Variants in PROZ observed in about 807,000 individuals in gnomAD.
PROZ encodes protein Z, vitamin K dependent plasma glycoprotein.
PROZ carries 46 observed loss-of-function variants against 34.9 expected under a neutral mutation model. That is an observed-to-expected ratio of 1.32 (90% CI 1.04 to 1.69). The LOEUF is 1.69. Among genes scored for constraint, PROZ ranks in the 40% most tolerant of loss-of-function variants. The pLI is 0.00. For synonymous variants in PROZ, 195 were observed against 208.5 expected, an observed-to-expected ratio of 0.94 and a Z score of 0.56; for missense variants, 530 against 520.4, an observed-to-expected ratio of 1.02 and a Z score of -0.18.
At position 113,160,177 on chromosome 13, in the gene PROZ, T is replaced by C. The variant is rs1218709607; in HGVS notation, c.234T>C (p.Thr78=). 1 of 1,614,074 alleles carries C rather than the reference T, an allele frequency of 6.2e-7. No individual in the cohort carries two copies. Among genetic ancestry groups the C allele is most frequent in the Admixed American group, 1.7e-5 (1 of 60,022 alleles). The change falls in exon 2 of 8, where the codon ACT becomes ACC. Residue 78 remains threonine (T), a splice_region_variant and synonymous_variant. Transcript: ENST00000375547. ...AAGTGTTTGAAAATGAAGTAGTCAC[T>C]GTATGTACCCCCACCACAAACCACA... The part of the protein sequence containing the change: ...AREVFENEVV[T]DEFWRRYKGG...
In PROZ at chr13:113,159,933, C is replaced by A. The variant is rs879182463; in HGVS notation, c.71-81C>A. On this transcript the variant is annotated intron_variant, in intron 1 of 7. Transcript: ENST00000375547. This position sits in a 1 kb window ranked among gnomAD's most constrained non-coding sequence, Gnocchi z 4.6. ...GACGGACGGGGCTGGGGCTGGCGGCCGGCCGGGGAGGAAGCCAGGCAGCTC... is the reference window on the plus strand; with the variant it reads ...GACGGACGGGGCTGGGGCTGGCGGCAGGCCGGGGAGGAAGCCAGGCAGCTC... The A allele has an allele frequency of 7.0e-6, 11 of 1,561,770 alleles. No individual in the cohort carries two copies. The highest frequency in any genetic ancestry group is 1.4e-5 in the African/African-American group (1 of 73,720).
chr13:113,162,905 C>CCTCCTCCTGCT, intron 3 of PROZ, 104 bp from the exon 4 acceptor site: 1 of 544,812 alleles, frequency 1.8e-6, no homozygotes, highest in South Asian at 1.9e-5. Context: ...CCCACTCCAT[C>CCTCCTCCTGCT]CTCCTCCTGC....
intron 6 of PROZ, among the ~76,000 whole-genome samples, chr13:113,168,760 G>C (rs899782516): frequency 6.6e-6 from 1 of 151,962 alleles, no homozygotes; most frequent in Non-Finnish European, 1.5e-5. Context: ...ACCGGGTCTC[G>C]CCCTATTGCC....
At chr13:113,160,629 G>A (rs945845978) in intron 2 of PROZ, among the ~76,000 whole-genome samples, 23 of 152,360 alleles carry the variant, frequency 1.5e-4, no homozygotes, top group Admixed American at 1.1e-3. Flanking sequence ...GGAGGGTGGC[G>A]TGGAGATTGG....
chr13:113,163,619 C>A (rs540109475), intron 4 of PROZ, among the ~76,000 whole-genome samples: 3 of 152,372 alleles, frequency 2.0e-5, no homozygotes, highest in African/African-American at 7.2e-5. Flanking sequence ...GAAAACCTTC[C>A]TCCCAGCCGA....
At position 113,158,801 on chromosome 13, in the gene PROZ, T is replaced by G; in HGVS notation, c.70+71T>G. 6.9e-7 allele frequency: 1 copy of G among 1,453,698 alleles called. No individual in the cohort carries two copies. Among genetic ancestry groups the G allele is most frequent in the Non-Finnish European group, 9.4e-7 (1 of 1,062,484 alleles). The allele number at this position is 1,453,698 out of a possible 1,614,324, so 90.0% of individuals were successfully genotyped here. A position where few individuals can be genotyped will look rare whatever the true frequency, so the allele number is the denominator to read the frequency against. On this transcript the variant is annotated intron_variant, in intron 1 of 7. Transcript: ENST00000375547. The surrounding 1 kb of genome is among the most constrained non-coding windows in gnomAD (Gnocchi z 4.3). ...CTTGACTCGGTCCATGGTGGATTTG[T>G]AGATGAGGCTTTTTCCAGGAGCCAG...
chr13:113,161,617 C>T (rs908343936), intron 3 of PROZ, among the ~76,000 whole-genome samples: 6 of 152,218 alleles, frequency 3.9e-5, no homozygotes, highest in East Asian at 1.9e-4. Context: ...GGACCGCGTG[C>T]GGACGAAGAA....
intron 4 of PROZ, among the ~76,000 whole-genome samples, chr13:113,163,735 A>G (rs2036822044): frequency 6.6e-6 from 1 of 151,096 alleles, no homozygotes. Flanking sequence ...GGGGGCTTTG[A>G]CCTTCACCCA....
At chr13:113,166,587 G>A (rs3024741) in intron 6 of PROZ, among the ~76,000 whole-genome samples, 3,452 of 152,342 alleles carry the variant, frequency 0.023, 150 homozygotes, top group East Asian at 0.21. Flanking sequence ...CCAAGGTGGA[G>A]AGGAAGAAAC....
rs910265034 is a variant in PROZ at position 113,172,276 on chromosome 13, C to A, written c.*171C>A. ...AGCCGCCGTTTGCTGGGTTGTTTACCGAGCACTGTGACCTTTCTTTCCCTG... is the reference window on the plus strand; with the variant it reads ...AGCCGCCGTTTGCTGGGTTGTTTACAGAGCACTGTGACCTTTCTTTCCCTG... On this transcript the variant is annotated 3_prime_UTR_variant, in exon 8 of 8. Coordinates refer to ENST00000375547, the MANE Select transcript of PROZ (RefSeq NM_003891.3). 2 of 850,214 alleles carry A rather than the reference C, an allele frequency of 2.4e-6. No homozygotes were observed. Among genetic ancestry groups the A allele is most frequent in the Admixed American group, 4.3e-5 (2 of 46,314 alleles). 52.7% of individuals were successfully genotyped at this position (850,214 alleles called of 1,614,324 possible). A position where few individuals can be genotyped will look rare whatever the true frequency, so the allele number is the denominator to read the frequency against.
chr13:113,160,334 A>C (rs781515222), intron 2 of PROZ, among the ~76,000 whole-genome samples, 157 bp downstream of exon 2: 1 of 152,056 alleles, frequency 6.6e-6, no homozygotes, highest in Non-Finnish European at 1.5e-5. Flanking sequence ...GAAACAATTT[A>C]GAGAATCGAC....
Position 113,158,680 on chromosome 13 carries a change from T to A in PROZ, c.20T>A (p.Leu7Gln). 6.2e-7 allele frequency: 1 copy of A among 1,606,068 alleles called. No individual in the cohort carries two copies. The highest frequency in any genetic ancestry group is 8.5e-7 in the Non-Finnish European group (1 of 1,176,946). The change falls in exon 1 of 8, where the codon CTG (leucine) becomes CAG (glutamine). Residue 7 changes from leucine (L) to glutamine (Q), a missense_variant. Physicochemically the swap from Leu to Gln is moderately radical, Grantham distance 113 (BLOSUM62 -2). Transcript: ENST00000375547. This position sits in a 1 kb window ranked among gnomAD's most constrained non-coding sequence, Gnocchi z 4.3. The stretch of plus-strand genomic sequence containing the variant: ...GTGGGAATGGCAGGCTGCGTCCCAC[T>A]GCTCCAGGGCCTGGTCCTGGTCCTC... MAGCVP[L>Q]LQGLVLVLAL...
At chr13:113,169,281 G>C (rs1174870042) in intron 6 of PROZ, among the ~76,000 whole-genome samples, 1 of 152,130 alleles carries the variant, frequency 6.6e-6, no homozygotes, top group Non-Finnish European at 1.5e-5. Context: ...ATATATTGTA[G>C]CTGTCATCCA....
Position 113,170,435 on chromosome 13 carries a change from G to GA in PROZ, c.600dup (p.Asp201ArgfsTer33), listed in dbSNP as rs1174694537. On this transcript the variant is annotated frameshift_variant, in exon 7 of 8. Coordinates refer to ENST00000375547, the MANE Select transcript of PROZ (RefSeq NM_003891.3). LOFTEE classifies it high-confidence loss of function. ...AAGGTAAAGTTAACAAATTCCGAAG[G>GA]AAAAGACTTCTGTGGTGGTGTTATA... is the stretch of plus-strand genomic sequence containing the variant. 6.2e-7 allele frequency: 1 copy of GA among 1,605,946 alleles called. No homozygotes were observed. Among genetic ancestry groups the GA allele is most frequent in the African/African-American group, 1.3e-5 (1 of 74,708 alleles).
intron 6 of PROZ, among the ~76,000 whole-genome samples, chr13:113,165,868 G>C (rs1311136586): frequency 6.6e-6 from 1 of 152,092 alleles, no homozygotes; most frequent in Non-Finnish European, 1.5e-5. Flanking sequence ...GGTCACTCTT[G>C]ACACATAAAC....
In PROZ at chr13:113,159,225, C is replaced by T. The variant is rs1309769671; in HGVS notation, c.70+495C>T. 2 of 1,548,164 alleles carry T rather than the reference C, an allele frequency of 1.3e-6. No homozygotes were observed. Among genetic ancestry groups the T allele is most frequent in the African/African-American group, 1.4e-5 (1 of 72,990 alleles). On this transcript the variant is annotated intron_variant, in intron 1 of 7. Transcript: ENST00000375547. The surrounding 1 kb of genome is among the most constrained non-coding windows in gnomAD (Gnocchi z 4.6). ...CACTTCACTGAAGGAACGACATGGA[C>T]TCCATTCTGACTCTGCCTGCACAGG...
At position 113,164,581 on chromosome 13, in the gene PROZ, T is replaced by C. The variant is rs1357360609; in HGVS notation, c.442T>C (p.Tyr148His). 6.2e-7 allele frequency: 1 copy of C among 1,613,658 alleles called. No homozygotes were observed. Reference protein sequence around the residue: ...QHFCLPGQESYTCSCAQGYRL... With the variant: ...QHFCLPGQESHTCSCAQGYRL... Reference sequence around the variant, plus strand: ...CTTCTGCCTCCCAGGACAGGAATCCTACACATGCAGCTGTGCTCAGGGCTA... The same window carrying C: ...CTTCTGCCTCCCAGGACAGGAATCCCACACATGCAGCTGTGCTCAGGGCTA... The change falls in exon 5 of 8, where the codon TAC (tyrosine) becomes CAC (histidine). Residue 148 changes from tyrosine to histidine, a missense_variant. Transcript: ENST00000375547.
chr13:113,171,864 T>C lies in PROZ; in HGVS notation c.962T>C (p.Leu321Pro). ...GNSLTTRPVTLVEGEECGQVL... is the reference protein window; with the variant it reads ...GNSLTTRPVTPVEGEECGQVL... ...TCGCTGACCACGCGGCCTGTCACAC[T>C]TGTGGAGGGGGAGGAGTGCGGGCAG... The change falls in exon 8 of 8, where the codon CTT becomes CCT. Residue 321 changes from leucine (L) to proline (P), a missense_variant. Leu to Pro is a moderately conservative substitution (Grantham distance 98). Coordinates refer to ENST00000375547, the MANE Select transcript of PROZ (RefSeq NM_003891.3). The surrounding 1 kb of genome is among the most constrained non-coding windows in gnomAD (Gnocchi z 5.1). 1 of 1,613,638 alleles carries C rather than the reference T, an allele frequency of 6.2e-7. No homozygotes were observed.
rs1177026489 is a variant in PROZ at position 113,172,058 on chromosome 13, A to AC, written c.1158dup (p.Lys387GlnfsTer10). On this transcript the variant is annotated frameshift_variant, in exon 8 of 8. Transcript: ENST00000375547. LOFTEE classifies it high-confidence loss of function. ...AGGGCAGGCTCACATGGTCCTTGTC[A>AC]CCAAGGTCTCCAGGTACTCACTCTG... 5 of 1,612,936 alleles carry AC rather than the reference A, an allele frequency of 3.1e-6. No homozygotes were observed. The highest frequency in any genetic ancestry group is 4.2e-6 in the Non-Finnish European group (5 of 1,180,018).
Sources: gnomAD v4.1 joint callset for allele counts (sites outside exome capture counted in the v4.1 genomes callset) on GRCh38, gnomAD v4.1.1 for gene constraint, Gnocchi (gnomAD v3.1) non-coding constraint, MANE v1.5 for transcripts, NCBI Gene and HGNC (gene_info 2026-07-23, HGNC 2026-07-21) for gene names.